PARD3B: variants seen among roughly 807,000 people sequenced by gnomAD.
PARD3B encodes partitioning defective 3 homolog B.
A neutral mutation model predicts 130.2 loss-of-function variants in PARD3B; 103 were observed. The ratio of observed to expected loss-of-function variants is 0.79; its 90% CI spans 0.67 to 0.93. The LOEUF is 0.93. PARD3B is among the 40% of genes least tolerant of loss of function. The probability of loss-of-function intolerance (pLI) is 0.00; values close to 1 mark genes in which losing one functional copy is unlikely to be tolerated. For missense variants in PARD3B, 1,609 were observed against 1,499.2 expected (o/e 1.07, Z -1.21); for synonymous variants, 583 against 553.2 (o/e 1.05, Z -0.76).
At chr2:205,488,125 G>A (rs535566384) in intron 20 of PARD3B, among the ~76,000 whole-genome samples, 1 of 152,194 alleles carries the variant, frequency 6.6e-6, no homozygotes, top group South Asian at 2.1e-4. Flanking sequence ...TCTTAAACAA[G>A]GTTAGTTTCT....
At chr2:204,846,360 C>T (rs563820497) in intron 2 of PARD3B, among the ~76,000 whole-genome samples, 1 of 152,050 alleles carries the variant, frequency 6.6e-6, no homozygotes, top group South Asian at 2.1e-4. Flanking sequence ...GAACTAAAAA[C>T]AATGTGTAAC....
chr2:205,130,547 A>T (rs2031903791), intron 10 of PARD3B, among the ~76,000 whole-genome samples: 1 of 152,162 alleles, frequency 6.6e-6, no homozygotes, highest in South Asian at 2.1e-4. Context: ...ATGTATGTGC[A>T]TGTCTTCTTT....
At chr2:204,984,584 G>T (rs1440580794) in intron 3 of PARD3B, among the ~76,000 whole-genome samples, 3 of 152,102 alleles carry the variant, frequency 2.0e-5, no homozygotes, top group Non-Finnish European at 4.4e-5. Flanking sequence ...AATGTTATTG[G>T]ATGTGTGAGT....
chr2:205,022,137 T>G (rs2125335159), intron 3 of PARD3B, among the ~76,000 whole-genome samples: 1 of 152,340 alleles, frequency 6.6e-6, no homozygotes, highest in Non-Finnish European at 1.5e-5. Context: ...TTTTAAATGT[T>G]ATATTATTGT....
At chr2:205,053,018 T>C (rs1699340894) in intron 4 of PARD3B, among the ~76,000 whole-genome samples, 1 of 152,108 alleles carries the variant, frequency 6.6e-6, no homozygotes. Flanking sequence ...GGGCTTTTGG[T>C]ATGTTATCAG....
At position 205,160,252 on chromosome 2, in the gene PARD3B, C is replaced by T. The variant is rs1357663594; in HGVS notation, c.1620+1345C>T. ...CAATAAGCCTTTATTTTTCTCATAG[C>T]TCTGTGTGGGGGAGCTGGGGTTTGG... On this transcript the variant is annotated intron_variant, in intron 11 of 22. Transcript: ENST00000406610. This position sits in a 1 kb window ranked among gnomAD's most constrained non-coding sequence, Gnocchi z 4.0. 1.3e-5 allele frequency among the ~76,000 whole-genome samples: 2 copies of T among 152,268 alleles called. No individual in the cohort carries two copies. The highest frequency in any genetic ancestry group is 6.5e-5 in the Admixed American group (1 of 15,292).
intron 18 of PARD3B, among the ~76,000 whole-genome samples, chr2:205,349,472 T>C (rs1330435797): frequency 1.3e-5 from 2 of 152,208 alleles, no homozygotes; most frequent in African/African-American, 2.4e-5. Context: ...ACTTCATCAA[T>C]AATTTTTTTC....
chr2:204,595,290 A>C (rs1277727070), intron 1 of PARD3B, among the ~76,000 whole-genome samples: 1 of 152,196 alleles, frequency 6.6e-6, no homozygotes, highest in African/African-American at 2.4e-5. Context: ...CAGTGGAAAC[A>C]CTTCTCTGTC....
At chr2:204,870,502 A>G (rs1437956365) in intron 2 of PARD3B, among the ~76,000 whole-genome samples, 1 of 152,154 alleles carries the variant, frequency 6.6e-6, no homozygotes, top group African/African-American at 2.4e-5. Flanking sequence ...ATAGGTGGTC[A>G]TGTCTCTATC....
chr2:204,857,002 C>G (rs1413123391), intron 2 of PARD3B, among the ~76,000 whole-genome samples: 1 of 151,892 alleles, frequency 6.6e-6, no homozygotes, highest in East Asian at 1.9e-4. Flanking sequence ...TTGTTTTGCT[C>G]AAGATTGCTT....
chr2:204,949,221 T>A (rs888635790), intron 2 of PARD3B, among the ~76,000 whole-genome samples: 1 of 152,192 alleles, frequency 6.6e-6, no homozygotes, highest in Non-Finnish European at 1.5e-5. Flanking sequence ...AGGTACAAAA[T>A]GTAGGATGGA....
intron 18 of PARD3B, among the ~76,000 whole-genome samples, chr2:205,343,700 G>GAA: frequency 1.3e-5 from 2 of 152,266 alleles, no homozygotes; most frequent in Non-Finnish European, 2.9e-5. Context: ...GCTCACAGCT[G>GAA]TGGAGAACAG....
chr2:204,948,177 G>A (rs2125819071), intron 2 of PARD3B, among the ~76,000 whole-genome samples: 1 of 152,276 alleles, frequency 6.6e-6, no homozygotes, highest in African/African-American at 2.4e-5. Context: ...ATGTGAGACA[G>A]CCTCTGAGGA....
rs1701231804 is a variant in PARD3B, at chr2:205,078,922, G to A, written c.505-25504G>A. 1.3e-5 allele frequency among the ~76,000 whole-genome samples: 2 copies of A among 152,150 alleles called. No individual in the cohort carries two copies. Among genetic ancestry groups the A allele is most frequent in the South Asian group, 2.1e-4 (1 of 4,828 alleles). The stretch of plus-strand genomic sequence containing the variant: ...TCCCAGCTTCCAGCTCGCATCAATG[G>A]CCAGCCACGTAAGTGAGCCGTCATG... On this transcript the variant is annotated intron_variant, in intron 4 of 22. Coordinates refer to ENST00000406610, the MANE Select transcript of PARD3B (RefSeq NM_001302769.2). This position sits in a 1 kb window ranked among gnomAD's most constrained non-coding sequence, Gnocchi z 4.0.
rs140967887 is a variant in PARD3B, at chr2:205,472,871, G to T, written c.3045-27025G>T. Among the ~76,000 whole-genome samples the T allele has an allele frequency of 3.3e-3, 500 of 152,160 alleles. 3 individuals carry two copies. The highest frequency in any genetic ancestry group is 0.01 in the African/African-American group (428 of 41,528). ...TGAGAGTATGGGAAGTTGTATAGAGGGGGGGAACAGACAGAAAGGAACAGA... is the reference window on the plus strand; with the variant it reads ...TGAGAGTATGGGAAGTTGTATAGAGTGGGGGAACAGACAGAAAGGAACAGA... On this transcript the variant is annotated intron_variant, in intron 20 of 22. Transcript: ENST00000406610.
At chr2:205,170,673 A>G (rs1366648568) in intron 11 of PARD3B, among the ~76,000 whole-genome samples, 1 of 152,118 alleles carries the variant, frequency 6.6e-6, no homozygotes, top group Non-Finnish European at 1.5e-5. Flanking sequence ...TCCTCGGGCC[A>G]TCTGCTACTG....
Position 205,188,374 on chromosome 2 carries a change from G to C in PARD3B, c.2024+2511G>C, listed in dbSNP as rs116603085. On this transcript the variant is annotated intron_variant, in intron 14 of 22. Coordinates refer to ENST00000406610, the MANE Select transcript of PARD3B (RefSeq NM_001302769.2). ...GTCTGTCCTGCTCCATGGGTGCCAT[G>C]CTTCTCCGGAGAGCAGTGGAGAAGC... Among the ~76,000 whole-genome samples, 1,000 of 152,308 alleles carry C rather than the reference G, an allele frequency of 6.6e-3. 9 individuals carry two copies. The highest frequency in any genetic ancestry group is 0.022 in the African/African-American group (928 of 41,560).
rs2044048409 is a variant in PARD3B at position 205,352,971 on chromosome 2, T to C, written c.2631-48042T>C. Among the ~76,000 whole-genome samples the C allele has an allele frequency of 6.6e-6, 1 of 152,208 alleles. No homozygotes were observed. ...TTTCAGAAGTCTCCCCCAAAATGTT[T>C]TGAGACAAAAATCAGAATAGAATCT... On this transcript the variant is annotated intron_variant, in intron 18 of 22. Transcript: ENST00000406610. This position sits in a 1 kb window ranked among gnomAD's most constrained non-coding sequence, Gnocchi z 5.2.
At chr2:204,724,836 G>T (rs977065898) in intron 2 of PARD3B, among the ~76,000 whole-genome samples, 1 of 151,590 alleles carries the variant, frequency 6.6e-6, no homozygotes, top group African/African-American at 2.4e-5. Flanking sequence ...ATCGAATAGT[G>T]GGGGGCGGGG....
Sources: gnomAD v4.1 joint callset for allele counts (sites outside exome capture counted in the v4.1 genomes callset) on GRCh38, gnomAD v4.1.1 for gene constraint, Gnocchi (gnomAD v3.1) non-coding constraint, MANE v1.5 for transcripts, NCBI Gene and HGNC (gene_info 2026-07-23, HGNC 2026-07-21) for gene names.